The following PARD3 variants were observed in gnomAD, a reference collection of about 807,000 sequenced individuals.
The protein encoded by PARD3 is partitioning defective 3 homolog.
PARD3 carries 75 observed loss-of-function variants against 155.4 expected under a neutral mutation model. The observed-to-expected ratio is 0.48, with a 90% CI of 0.40 to 0.58. The LOEUF (loss-of-function observed/expected upper bound fraction) is 0.58. PARD3 is among the 20% of genes least tolerant of loss of function. The pLI is 0.00. For missense variants in PARD3, 1,642 were observed against 1,721.7 expected (o/e 0.95, Z 0.82); for synonymous variants, 576 against 610.5 (o/e 0.94, Z 0.83).
chr10:34,423,811 T>C (rs1384176024), intron 5 of PARD3, among the ~76,000 whole-genome samples: 1 of 152,168 alleles, frequency 6.6e-6, no homozygotes, highest in Admixed American at 6.5e-5. Flanking sequence ...AACAACTACC[T>C]AGGTTTTCCA....
rs1844901110 is a variant in PARD3, at chr10:34,410,142, T to C, written c.715-8225A>G. Among the ~76,000 whole-genome samples the C allele has an allele frequency of 2.0e-5, 3 of 152,162 alleles. No homozygotes were observed. The South Asian group carries it at 6.2e-4, about 32-fold the overall frequency. ...TAAATTTTAAAAAGAAAATGGGAAT[T>C]TGGTAACATATTTGTTTTAAAAAAT... On this transcript the variant is annotated intron_variant, in intron 5 of 24. Transcript: ENST00000374788.
chr10:34,164,658 T>G (rs1394887327), intron 22 of PARD3, among the ~76,000 whole-genome samples: 3 of 152,174 alleles, frequency 2.0e-5, no homozygotes, highest in Admixed American at 2.0e-4. Flanking sequence ...ACAACTTTTG[T>G]GGATGTGTTT....
intron 2 of PARD3, among the ~76,000 whole-genome samples, chr10:34,529,583 C>T (rs2082702439): frequency 6.6e-6 from 1 of 152,126 alleles, no homozygotes; most frequent in African/African-American, 2.4e-5. Flanking sequence ...CTACCAAAGC[C>T]TACTGTTGAC....
intron 2 of PARD3, among the ~76,000 whole-genome samples, chr10:34,693,909 C>CA (rs1352156464): frequency 6.6e-6 from 1 of 151,942 alleles, no homozygotes; most frequent in Non-Finnish European, 1.5e-5. Flanking sequence ...AACCTCAAAA[C>CA]AAAAAACTAC....
rs377313990 is a variant in PARD3 at position 34,359,412 on chromosome 10, C to CAA, written c.1897-97_1897-96dup. 2,317 of 640,700 alleles carry CAA rather than the reference C, an allele frequency of 3.6e-3. 20 individuals carry two copies. The highest frequency in any genetic ancestry group is 0.032 in the African/African-American group (1,548 of 48,640). The allele number at this position is 640,700 out of a possible 1,614,324, so 39.7% of individuals were successfully genotyped here. ...GTTAATAAATAAAATAAAAACAAAG[C>CAA]AAAAAAAAAAAAAGTGGGGAGCTTT... is the stretch of plus-strand genomic sequence containing the variant. On this transcript the variant is annotated intron_variant, in intron 13 of 24. Transcript: ENST00000374788.
chr10:34,250,160 C>CCA (rs1954217772), intron 22 of PARD3, among the ~76,000 whole-genome samples: 3 of 150,914 alleles, frequency 2.0e-5, no homozygotes, highest in African/African-American at 7.4e-5. Flanking sequence ...CCCCTCCACA[C>CCA]ACACACAGCT....
intron 22 of PARD3, among the ~76,000 whole-genome samples, chr10:34,172,635 C>A (rs189888229): frequency 6.6e-6 from 1 of 151,698 alleles, no homozygotes; most frequent in African/African-American, 2.4e-5. Context: ...GACTCAGATC[C>A]CCCATGCTGT....
At chr10:34,621,385 C>T (rs1433352418) in intron 2 of PARD3, among the ~76,000 whole-genome samples, 2 of 151,870 alleles carry the variant, frequency 1.3e-5, no homozygotes, top group East Asian at 3.9e-4. Flanking sequence ...TTAGTAGAGA[C>T]AGGGTTTTGC....
chr10:34,782,861 G>C (rs1455099174), intron 1 of PARD3, among the ~76,000 whole-genome samples: 1 of 151,910 alleles, frequency 6.6e-6, no homozygotes, highest in Admixed American at 6.6e-5. Context: ...CAGGTAGCTG[G>C]GATTACAGGC....
At chr10:34,336,454 CAT>C (rs1380173868) in intron 17 of PARD3, 16 of 520,622 alleles carry the variant, frequency 3.1e-5, no homozygotes, top group Admixed American at 1.1e-4. Context: ...ATTTCACAGA[CAT>C]GTGTGTTATA....
At chr10:34,140,955 C>T (rs1948158769) in intron 22 of PARD3, among the ~76,000 whole-genome samples, 1 of 151,956 alleles carries the variant, frequency 6.6e-6, no homozygotes, top group South Asian at 2.1e-4. Context: ...CACTTGTATA[C>T]TGGTATGTAA....
chr10:34,783,604 C>CAAA (rs35411933), intron 1 of PARD3, among the ~76,000 whole-genome samples: 69 of 76,222 alleles, frequency 9.1e-4, no homozygotes, highest in East Asian at 1.7e-3. Context: ...ACTCCGTCTT[C>CAAA]AAAAAAAAAA....
intron 15 of PARD3, chr10:34,343,821 C>T: frequency 1.0e-6 from 1 of 978,448 alleles, no homozygotes; most frequent in Non-Finnish European, 1.2e-6. Flanking sequence ...GACCTACAAA[C>T]TAAGTAAACT....
intron 5 of PARD3, among the ~76,000 whole-genome samples, chr10:34,434,984 G>A (rs545345471): frequency 6.6e-6 from 1 of 152,206 alleles, no homozygotes; most frequent in South Asian, 2.1e-4. Context: ...AATTAATTAG[G>A]ACAAGTTGAC....
chr10:34,118,606 A>G lies in PARD3; in HGVS notation c.3668+1007T>C, dbSNP rs949473191. On this transcript the variant is annotated intron_variant, in intron 24 of 24. Coordinates refer to ENST00000374788, the MANE Select transcript of PARD3 (RefSeq NM_001184785.2). ...AATGATCTGCCTGCCTCAGCCTCCC[A>G]AAGTGCTGGGATTACAGACCTGAGC... Among the ~76,000 whole-genome samples, 18 of 152,250 alleles carry G rather than the reference A, an allele frequency of 1.2e-4. No individual in the cohort carries two copies. In the South Asian group the frequency reaches 2.7e-3, roughly 23 times the overall value.
At chr10:34,232,857 C>T (rs912438863) in intron 22 of PARD3, among the ~76,000 whole-genome samples, 13 of 151,820 alleles carry the variant, frequency 8.6e-5, no homozygotes, top group African/African-American at 2.2e-4. Flanking sequence ...CATGCCATCA[C>T]GTGTGGCTAA....
At chr10:34,683,528 C>G (rs2093887037) in intron 2 of PARD3, among the ~76,000 whole-genome samples, 1 of 149,068 alleles carries the variant, frequency 6.7e-6, no homozygotes, top group Admixed American at 6.8e-5. Flanking sequence ...GGCTCCACAG[C>G]CCACCATACG....
At chr10:34,200,977 C>T (rs1951183029) in intron 22 of PARD3, among the ~76,000 whole-genome samples, 1 of 152,222 alleles carries the variant, frequency 6.6e-6, no homozygotes, top group South Asian at 2.1e-4. Flanking sequence ...CCTTTCCTCT[C>T]TCCAATGTAT....
rs572505460 is a variant in PARD3, at chr10:34,165,571, CCT to C, written c.3420-33990_3420-33989del. Among the ~76,000 whole-genome samples, 16 of 152,288 alleles carry C rather than the reference CCT, an allele frequency of 1.1e-4. No homozygotes were observed. The East Asian group carries it at 3.1e-3, about 29-fold the overall frequency. On this transcript the variant is annotated intron_variant, in intron 22 of 24. Transcript: ENST00000374788. The stretch of plus-strand genomic sequence containing the variant: ...GCTAATGCACAGAGCCAGTGCCACC[CCT>C]CTCTGCCTTCTCAACACCCAACAAT...
Sources: allele counts gnomAD v4.1 joint callset (sites outside exome capture counted in the v4.1 genomes callset), GRCh38; gene constraint gnomAD v4.1.1; transcripts MANE v1.5; gene names NCBI Gene and HGNC (gene_info 2026-07-23, HGNC 2026-07-21).